P2RX3: variants seen among roughly 807,000 people sequenced by gnomAD.
P2RX3 encodes the protein P2X purinoceptor 3.
A neutral mutation model predicts 51.5 loss-of-function variants in P2RX3; 41 were observed. The ratio of observed to expected loss-of-function variants is 0.80; its 90% CI spans 0.62 to 1.03. P2RX3 has a LOEUF of 1.03. Among genes scored for constraint, P2RX3 ranks in the 50% least tolerant of loss-of-function variants. P2RX3 has a pLI of 0.00. For synonymous variants in P2RX3, 185 were observed against 191.6 expected (o/e 0.97, Z 0.29); for missense variants, 459 against 522.1 (o/e 0.88, Z 1.18).
chr11:57,361,864 C>G (rs187630300), intron 8 of P2RX3, among the ~76,000 whole-genome samples: 4 of 152,292 alleles, frequency 2.6e-5, no homozygotes, highest in African/African-American at 9.6e-5. Flanking sequence ...TCACATGAAG[C>G]CTTGCCTAAC....
At position 57,350,627 on chromosome 11, in the gene P2RX3, G is replaced by A. The variant is rs1051990827; in HGVS notation, c.706-135G>A. The stretch of plus-strand genomic sequence containing the variant: ...AGCAGTATATGACATGTCACTTTCC[G>A]TTCTCCCTGCCTCCGTCTCCCACCT... On this transcript the variant is annotated intron_variant, in intron 7 of 11. Coordinates refer to ENST00000263314, the MANE Select transcript of P2RX3 (RefSeq NM_002559.5). 14 of 1,246,366 alleles carry A rather than the reference G, an allele frequency of 1.1e-5. No homozygotes were observed. The African/African-American group carries it at 1.6e-4, about 15-fold the overall frequency. The allele number at this position is 1,246,366 out of a possible 1,614,324, so 77.2% of individuals were successfully genotyped here. A position where few individuals can be genotyped will look rare whatever the true frequency, so the allele number is the denominator to read the frequency against.
intron 8 of P2RX3, among the ~76,000 whole-genome samples, chr11:57,357,699 TG>T (rs1856652186): frequency 6.6e-6 from 1 of 152,230 alleles, no homozygotes; most frequent in African/African-American, 2.4e-5. Flanking sequence ...GAGGTTGATT[TG>T]GTGCCTGGAA....
intron 1 of P2RX3, among the ~76,000 whole-genome samples, chr11:57,339,963 TGGGAGATTTTAGAAAA>T (rs1284181382): frequency 2.6e-5 from 4 of 152,186 alleles, no homozygotes; most frequent in African/African-American, 4.8e-5. Context: ...AGTGCTCCTT[TGGGAGATTTTAGAAAA>T]GGGATTCAAG....
At chr11:57,361,331 G>T (rs141210039) in intron 8 of P2RX3, among the ~76,000 whole-genome samples, 1 of 151,720 alleles carries the variant, frequency 6.6e-6, no homozygotes, top group African/African-American at 2.4e-5. Context: ...TGTGCAGGAC[G>T]TGCAGGTTTG....
intron 8 of P2RX3, among the ~76,000 whole-genome samples, chr11:57,365,450 A>G (rs557414402): frequency 6.6e-6 from 1 of 152,302 alleles, no homozygotes; most frequent in South Asian, 2.1e-4. Flanking sequence ...ATCTCCTCTC[A>G]GCGCCTTCCA....
chr11:57,366,747 G>A (rs1404868811), intron 8 of P2RX3, among the ~76,000 whole-genome samples: 1 of 152,182 alleles, frequency 6.6e-6, no homozygotes, highest in East Asian at 1.9e-4. Context: ...TACTGGTGGG[G>A]ACTGCAGTCT....
In P2RX3 at chr11:57,370,246, C is replaced by T. The variant is rs1387166981; in HGVS notation, c.*249C>T. 7 of 506,618 alleles carry T rather than the reference C, an allele frequency of 1.4e-5. No individual in the cohort carries two copies. The highest frequency in any genetic ancestry group is 6.8e-5 in the East Asian group (2 of 29,546). 31.4% of individuals were successfully genotyped at this position (506,618 alleles called of 1,614,324 possible). A position where few individuals can be genotyped will look rare whatever the true frequency, so the allele number is the denominator to read the frequency against. On this transcript the variant is annotated 3_prime_UTR_variant, in exon 12 of 12. Coordinates refer to ENST00000263314, the MANE Select transcript of P2RX3 (RefSeq NM_002559.5). Reference sequence around the variant, plus strand: ...CTTCCTAGGACCCCTGGGGCAGGAGCACCTGAGCCATCCCCTTCCCAAAGA... The same window carrying T: ...CTTCCTAGGACCCCTGGGGCAGGAGTACCTGAGCCATCCCCTTCCCAAAGA...
rs148655862 is a variant in P2RX3, at chr11:57,367,547, C to A, written c.843-462C>A. On this transcript the variant is annotated intron_variant, in intron 8 of 11. Transcript: ENST00000263314. The stretch of plus-strand genomic sequence containing the variant: ...ACCAGACTGGCCAACATGGTGAAAC[C>A]CTGTCTCTACTAAAAATACAAAAAT... Among the ~76,000 whole-genome samples, 85 of 152,226 alleles carry A rather than the reference C, an allele frequency of 5.6e-4. 1 individual carries two copies. The East Asian group carries it at 0.016, about 29-fold the overall frequency.
chr11:57,345,592 AG>A (rs1488089269), intron 1 of P2RX3, among the ~76,000 whole-genome samples: 1 of 152,168 alleles, frequency 6.6e-6, no homozygotes, highest in Non-Finnish European at 1.5e-5. Context: ...AGTGAGGCTG[AG>A]CGGGGACTTC....
Position 57,347,443 on chromosome 11 carries a change from A to G in P2RX3, c.356A>G (p.Asp119Gly), listed in dbSNP as rs1590626178. ...GAGGAGAAATACCGCTGTGTATCAG[A>G]CAGCCAGTGCGGGCCTGAGCGCTTG... is the stretch of plus-strand genomic sequence containing the variant. ...ESEEKYRCVS[D>G]SQCGPERLPG... The change falls in exon 4 of 12, where the codon GAC (aspartate) becomes GGC (glycine). Residue 119 changes from aspartate (D) to glycine (G), a missense_variant. Physicochemically the swap from Asp to Gly is moderately conservative, Grantham distance 94. Coordinates refer to ENST00000263314, the MANE Select transcript of P2RX3 (RefSeq NM_002559.5). The G allele has an allele frequency of 1.9e-6, 3 of 1,559,366 alleles. No individual in the cohort carries two copies. The African/African-American group carries it at 4.1e-5, about 21-fold the overall frequency.
chr11:57,342,163 T>C (rs1856352871), intron 1 of P2RX3, among the ~76,000 whole-genome samples: 2 of 136,974 alleles, frequency 1.5e-5, no homozygotes, highest in South Asian at 5.2e-4. Flanking sequence ...TTTTTTTTTT[T>C]TTTTTTTTTT....
chr11:57,343,238 G>A (rs534691556), intron 1 of P2RX3, among the ~76,000 whole-genome samples: 1 of 152,352 alleles, frequency 6.6e-6, no homozygotes, highest in South Asian at 2.1e-4. Flanking sequence ...CTGGGCACAA[G>A]AAGGAGCCTT....
At position 57,350,644 on chromosome 11, in the gene P2RX3, C is replaced by G. The variant is rs528485036; in HGVS notation, c.706-118C>G. ...CACTTTCCGTTCTCCCTGCCTCCGTCTCCCACCTGGAGGATGGGAGGAAAT... is the reference window on the plus strand; with the variant it reads ...CACTTTCCGTTCTCCCTGCCTCCGTGTCCCACCTGGAGGATGGGAGGAAAT... On this transcript the variant is annotated intron_variant, in intron 7 of 11. Transcript: ENST00000263314. 5.7e-6 allele frequency: 8 copies of G among 1,397,252 alleles called. No homozygotes were observed. In the Admixed American group the frequency reaches 1.4e-4, roughly 25 times the overall value. 86.6% of individuals were successfully genotyped at this position (1,397,252 alleles called of 1,614,324 possible). A position where few individuals can be genotyped will look rare whatever the true frequency, so the allele number is the denominator to read the frequency against.
intron 8 of P2RX3, among the ~76,000 whole-genome samples, chr11:57,362,377 A>G (rs72923914): frequency 0.36 from 54,684 of 152,016 alleles, 11,752 homozygotes; most frequent in East Asian, 0.65. Flanking sequence ...AAAAATAAAA[A>G]TGATCTGGTA....
intron 11 of P2RX3, 98 bp downstream of exon 11, chr11:57,369,536 G>T: frequency 8.6e-7 from 1 of 1,161,326 alleles, no homozygotes. Context: ...GCCTTCTGAA[G>T]GGGGGTTCAC....
At chr11:57,355,717 A>C (rs1163038328) in intron 8 of P2RX3, among the ~76,000 whole-genome samples, 1 of 152,272 alleles carries the variant, frequency 6.6e-6, no homozygotes, top group East Asian at 1.9e-4. Flanking sequence ...ATATATACAA[A>C]GTAATGACAT....
intron 8 of P2RX3, among the ~76,000 whole-genome samples, chr11:57,353,581 G>C (rs1392727222): frequency 6.6e-6 from 1 of 152,206 alleles, no homozygotes; most frequent in African/African-American, 2.4e-5. Context: ...TAAGTTCCAA[G>C]GAGATTTCAA....
chr11:57,369,667 C>T (rs1856851636), intron 11 of P2RX3, among the ~76,000 whole-genome samples: 1 of 152,154 alleles, frequency 6.6e-6, no homozygotes, highest in Non-Finnish European at 1.5e-5. Context: ...GTCACCTCCC[C>T]TCTCCATTTC....
chr11:57,367,700 G>A (rs946982438), intron 8 of P2RX3, among the ~76,000 whole-genome samples: 15 of 152,150 alleles, frequency 9.9e-5, no homozygotes, highest in African/African-American at 2.7e-4. Flanking sequence ...CAATGTGGGC[G>A]ACAGAATGAG....
Sources: gnomAD v4.1 joint callset for allele counts (sites outside exome capture counted in the v4.1 genomes callset) on GRCh38, gnomAD v4.1.1 for gene constraint, MANE v1.5 for transcripts, NCBI Gene and HGNC (gene_info 2026-07-23, HGNC 2026-07-21) for gene names.